Variants in KMO observed in about 807,000 individuals in gnomAD.
KMO encodes kynurenine 3-monooxygenase, also known as kynurenine 3-hydroxylase.
KMO carries 24 observed loss-of-function variants against 57.8 expected under a neutral mutation model. That is an observed-to-expected ratio of 0.42 (90% confidence interval 0.30 to 0.58). The LOEUF (loss-of-function observed/expected upper bound fraction) is 0.58. KMO is among the 20% of genes least tolerant of loss of function. KMO has a pLI of 0.22. For synonymous variants in KMO, 210 were observed against 193.6 expected (o/e 1.08, Z -0.70); for missense variants, 483 against 588.2 (o/e 0.82, Z 1.85).
Position 241,532,471 on chromosome 1 carries a change from A to G in KMO, c.27A>G (p.Lys9=). 6.2e-7 allele frequency: 1 copy of G among 1,611,016 alleles called. No individual in the cohort carries two copies. Among genetic ancestry groups the G allele is most frequent in the African/African-American group, 1.3e-5 (1 of 74,882 alleles). ...TGGACTCATCTGTCATTCAAAGGAA[A>G]AAAGTAGCTGTCATTGGTGGTGGCT... The part of the protein sequence containing the change: MDSSVIQR[K]KVAVIGGGLV... The change falls in exon 1 of 15, where the codon AAA becomes AAG. Residue 9 remains lysine (K), a synonymous_variant. Coordinates refer to ENST00000366559, the MANE Select transcript of KMO (RefSeq NM_003679.5).
Position 241,549,711 on chromosome 1 carries a change from C to A in KMO, c.159C>A (p.Ser53Arg), listed in dbSNP as rs759344413. The change falls in exon 3 of 15, where the codon AGC (serine) becomes AGA (arginine). Residue 53 changes from serine (S) to arginine (R), a missense_variant. Coordinates refer to ENST00000366559, the MANE Select transcript of KMO (RefSeq NM_003679.5). Reference protein sequence around the residue: ...TRVATFTRGRSINLALSHRGR... With the variant: ...TRVATFTRGRRINLALSHRGR... ...TGGCTACCTTCACACGTGGAAGAAG[C>A]ATTAACTTAGCCCTTTCTCATAGAG... 21 of 1,613,364 alleles carry A rather than the reference C, an allele frequency of 1.3e-5. No homozygotes were observed. Among genetic ancestry groups the A allele is most frequent in the Non-Finnish European group, 1.8e-5 (21 of 1,179,622 alleles).
intron 7 of KMO, among the ~76,000 whole-genome samples, chr1:241,564,757 T>G (rs1452730111): frequency 6.6e-6 from 1 of 152,062 alleles, no homozygotes; most frequent in African/African-American, 2.4e-5. Flanking sequence ...GCACGTATTC[T>G]GAAATCTTGA....
chr1:241,557,187 A>G (rs909864633), intron 5 of KMO, among the ~76,000 whole-genome samples: 3 of 152,178 alleles, frequency 2.0e-5, no homozygotes, highest in Admixed American at 1.3e-4. Flanking sequence ...GTGTTCATGG[A>G]AAAGCCACTG....
In KMO at chr1:241,594,446, G is replaced by A; in HGVS notation, c.*2293G>A. Reference sequence around the variant, plus strand: ...TTCATTCCTACAAAGGACGAACTTGGATTACATCAACTTTGGACCCATTGG... The same window carrying A: ...TTCATTCCTACAAAGGACGAACTTGAATTACATCAACTTTGGACCCATTGG... On this transcript the variant is annotated 3_prime_UTR_variant, in exon 15 of 15. Transcript: ENST00000366559. 6.2e-7 allele frequency: 1 copy of A among 1,613,244 alleles called. No homozygotes were observed.
chr1:241,560,173 T>C (rs907828648), intron 5 of KMO, among the ~76,000 whole-genome samples: 7 of 152,358 alleles, frequency 4.6e-5, no homozygotes, highest in Admixed American at 3.9e-4. Context: ...TCCCCCTAAC[T>C]ATTCCAGTGT....
At position 241,594,644 on chromosome 1, in the gene KMO, G is replaced by T; in HGVS notation, c.*2491G>T. ...CTGGTAGGTCTTTAGCAGGCCTCTG[G>T]CACCTCAGCAGTCGGAGGCACAGAA... On this transcript the variant is annotated 3_prime_UTR_variant, in exon 15 of 15. Coordinates refer to ENST00000366559, the MANE Select transcript of KMO (RefSeq NM_003679.5). 1.2e-6 allele frequency: 2 copies of T among 1,614,038 alleles called. No individual in the cohort carries two copies. The highest frequency in any genetic ancestry group is 8.5e-7 in the Non-Finnish European group (1 of 1,179,946).
chr1:241,577,497 T>C (rs1052776092), intron 10 of KMO, among the ~76,000 whole-genome samples: 3 of 152,164 alleles, frequency 2.0e-5, no homozygotes, highest in Non-Finnish European at 4.4e-5. Context: ...CTTTCAGAGT[T>C]GAAGACTCTG....
chr1:241,566,129 C>T (rs967607269), intron 8 of KMO, among the ~76,000 whole-genome samples: 2 of 152,180 alleles, frequency 1.3e-5, no homozygotes, highest in Non-Finnish European at 2.9e-5. Flanking sequence ...TCGCTTGAAC[C>T]TGGGAGGCAG....
chr1:241,575,838 G>T (rs922070407), intron 10 of KMO, among the ~76,000 whole-genome samples: 1 of 151,852 alleles, frequency 6.6e-6, no homozygotes, highest in African/African-American at 2.4e-5. Context: ...AGATCATTGA[G>T]ACTTCTGTCT....
chr1:241,571,484 T>A (rs184859745), intron 10 of KMO, among the ~76,000 whole-genome samples: 17 of 152,310 alleles, frequency 1.1e-4, no homozygotes, highest in Admixed American at 2.6e-4. Context: ...TTTGAGAATT[T>A]TTATCATGAA....
intron 4 of KMO, among the ~76,000 whole-genome samples, chr1:241,552,020 T>C (rs919270600): frequency 3.3e-5 from 5 of 151,992 alleles, no homozygotes; most frequent in African/African-American, 1.2e-4. Flanking sequence ...GAAGGCCAAG[T>C]CATCATAGCC....
In KMO at chr1:241,590,364, A is replaced by C. The variant is rs1475880858; in HGVS notation, c.1260+101A>C. On this transcript the variant is annotated intron_variant, in intron 14 of 14. Coordinates refer to ENST00000366559, the MANE Select transcript of KMO (RefSeq NM_003679.5). ...CCAACAAATACAGAAATAATGGGAC[A>C]GACACCAACTGTTTGCCTTCCAAAC... The C allele has an allele frequency of 7.3e-6, 7 of 953,428 alleles. No individual in the cohort carries two copies. The Admixed American group carries it at 9.4e-5, about 13-fold the overall frequency. 59.1% of individuals were successfully genotyped at this position (953,428 alleles called of 1,614,324 possible). A position where few individuals can be genotyped will look rare whatever the true frequency, so the allele number is the denominator to read the frequency against.
At chr1:241,537,278 A>G (rs1660785374) in intron 1 of KMO, among the ~76,000 whole-genome samples, 1 of 152,196 alleles carries the variant, frequency 6.6e-6, no homozygotes, top group Admixed American at 6.5e-5. Context: ...CTAAAAAAAG[A>G]AATCAAATGT....
chr1:241,559,950 T>G (rs1003891515), intron 5 of KMO, among the ~76,000 whole-genome samples: 1 of 152,180 alleles, frequency 6.6e-6, no homozygotes, highest in Non-Finnish European at 1.5e-5. Flanking sequence ...TTCTGATTTA[T>G]ACCTTTAAGA....
chr1:241,542,433 A>T lies in KMO; in HGVS notation c.55-6396A>T, dbSNP rs557788961. ...ACATTGGGTAAATCCATAATTATGT[A>T]ACCAAGGAATGTCCTCAAAGTCTTG... is the stretch of plus-strand genomic sequence containing the variant. On this transcript the variant is annotated intron_variant, in intron 1 of 14. Coordinates refer to ENST00000366559, the MANE Select transcript of KMO (RefSeq NM_003679.5). 1.3e-3 allele frequency among the ~76,000 whole-genome samples: 199 copies of T among 152,362 alleles called. 1 individual carries two copies. Among genetic ancestry groups the T allele is most frequent in the Admixed American group, 1.8e-3 (27 of 15,294 alleles).
chr1:241,583,264 T>C (rs1477724958), intron 10 of KMO, among the ~76,000 whole-genome samples: 1 of 152,134 alleles, frequency 6.6e-6, no homozygotes, highest in Non-Finnish European at 1.5e-5. Context: ...CAGTACTGTG[T>C]CTTGCCTAAT....
rs1414744912 is a variant in KMO at position 241,533,478 on chromosome 1, G to C, written c.54+980G>C. On this transcript the variant is annotated intron_variant, in intron 1 of 14. Transcript: ENST00000366559. ...GTCTTTTCCCCAAAGTGCTAGAACA[G>C]TTCTTTTAATATTTCTGATTCTAAA... Among the ~76,000 whole-genome samples the C allele has an allele frequency of 2.0e-5, 3 of 152,152 alleles. No homozygotes were observed. In the South Asian group the frequency reaches 6.2e-4, roughly 31 times the overall value.
Position 241,592,709 on chromosome 1 carries a change from C to T in KMO, c.*556C>T, listed in dbSNP as rs1242119624. ...CACCTTCAAATATAAGTATTATCAT[C>T]TATCTGTTTATCGTCTATCTATCTA... On this transcript the variant is annotated 3_prime_UTR_variant, in exon 15 of 15. Coordinates refer to ENST00000366559, the MANE Select transcript of KMO (RefSeq NM_003679.5). The T allele has an allele frequency of 6.4e-6, 1 of 155,476 alleles. No homozygotes were observed. The highest frequency in any genetic ancestry group is 2.4e-5 in the African/African-American group (1 of 41,380). The allele number at this position is 155,476 out of a possible 1,614,324, so 9.6% of individuals were successfully genotyped here. A position where few individuals can be genotyped will look rare whatever the true frequency, so the allele number is the denominator to read the frequency against.
chr1:241,567,037 G>A (rs1343286004), intron 9 of KMO, among the ~76,000 whole-genome samples: 1 of 152,184 alleles, frequency 6.6e-6, no homozygotes, highest in Non-Finnish European at 1.5e-5. Flanking sequence ...GGAAAAGGTT[G>A]ATAAATAATA....
Sources: allele counts gnomAD v4.1 joint callset (sites outside exome capture counted in the v4.1 genomes callset), GRCh38; gene constraint gnomAD v4.1.1; transcripts MANE v1.5; gene names NCBI Gene and HGNC (gene_info 2026-07-23, HGNC 2026-07-21).